SLC43A2: variants seen among roughly 807,000 people sequenced by gnomAD.
The protein encoded by SLC43A2 is large neutral amino acids transporter small subunit 4.
A neutral mutation model predicts 63.2 loss-of-function variants in SLC43A2; 38 were observed. The ratio of observed to expected loss-of-function variants is 0.60; its 90% CI spans 0.46 to 0.79. The LOEUF (loss-of-function observed/expected upper bound fraction) is 0.79. Among genes scored for constraint, SLC43A2 ranks in the 30% least tolerant of loss-of-function variants. The pLI is 0.00. For synonymous variants in SLC43A2, 322 were observed against 331.0 expected, an observed-to-expected ratio of 0.97 and a Z score of 0.30; for missense variants, 644 against 756.2, an observed-to-expected ratio of 0.85 and a Z score of 1.74.
At chr17:1,592,278 T>G (rs1417374826) in intron 6 of SLC43A2, among the ~76,000 whole-genome samples, 2 of 152,216 alleles carry the variant, frequency 1.3e-5, no homozygotes, top group East Asian at 3.9e-4. Flanking sequence ...AATACAAAAA[T>G]TAGCCGGGCA....
Position 1,571,531 on chromosome 17 carries a change from A to T in SLC43A2, c.*4073T>A, listed in dbSNP as rs1376948472. ...CGGAAACTCCACTTGGCTGAACGTG[A>T]TTGTGCTGCTGTCTGGGACAGTCTT... On this transcript the variant is annotated 3_prime_UTR_variant, in exon 14 of 14. Coordinates refer to ENST00000301335, the MANE Select transcript of SLC43A2 (RefSeq NM_152346.3). The surrounding 1 kb of genome is among the most constrained non-coding windows in gnomAD (Gnocchi z 5.2). 2.0e-5 allele frequency: 3 copies of T among 152,232 alleles called. No homozygotes were observed. Among genetic ancestry groups the T allele is most frequent in the Non-Finnish European group, 2.9e-5 (2 of 68,062 alleles). 9.4% of individuals were successfully genotyped at this position (152,232 alleles called of 1,614,324 possible).
intron 5 of SLC43A2, among the ~76,000 whole-genome samples, chr17:1,609,733 C>T (rs994514278): frequency 2.1e-4 from 31 of 150,724 alleles, no homozygotes. Flanking sequence ...TACAGAACTG[C>T]TTAATAATAA....
intron 3 of SLC43A2, among the ~76,000 whole-genome samples, chr17:1,615,610 G>T (rs551900376): frequency 6.7e-6 from 1 of 150,142 alleles, no homozygotes; most frequent in Non-Finnish European, 1.5e-5. Context: ...TTGGGAGGCC[G>T]AGGCGGGCAG....
intron 5 of SLC43A2, among the ~76,000 whole-genome samples, chr17:1,611,119 C>T (rs1418640447): frequency 6.7e-6 from 1 of 150,222 alleles, no homozygotes; most frequent in Non-Finnish European, 1.5e-5. Flanking sequence ...GCTGGGATTA[C>T]AGGTGTGAGC....
chr17:1,575,756 C>G lies in SLC43A2; in HGVS notation c.1558G>C (p.Gly520Arg). ...CCCAGCAGGCTGAGAAGGAGCAGCC[C>G]CACGTTCACCTGGGGAGGCAGGGAG... is the stretch of plus-strand genomic sequence containing the variant. ...LQGDPLWVNV[G>R]LLLLSLLGFC... Residue 520 changes from glycine (G) to arginine (R), a missense_variant, in exon 14 of 14, where the codon GGG (glycine) becomes CGG (arginine). Gly to Arg is a moderately radical substitution (Grantham distance 125). This residue lies in a region of SLC43A2 where 105 missense variants were observed against 101.7 expected (regional missense o/e 1.03). Transcript: ENST00000301335. 1 of 1,611,108 alleles carries G rather than the reference C, an allele frequency of 6.2e-7. No individual in the cohort carries two copies. The highest frequency in any genetic ancestry group is 8.5e-7 in the Non-Finnish European group (1 of 1,178,902).
intron 9 of SLC43A2, among the ~76,000 whole-genome samples, chr17:1,588,821 G>A (rs542393126): frequency 6.6e-6 from 1 of 152,290 alleles, no homozygotes; most frequent in East Asian, 1.9e-4. Context: ...AGGCAGCAGA[G>A]TCACCGGTCA....
At chr17:1,625,179 G>C (rs1447655202) in intron 2 of SLC43A2, among the ~76,000 whole-genome samples, 1 of 152,162 alleles carries the variant, frequency 6.6e-6, no homozygotes, top group African/African-American at 2.4e-5. Context: ...CCCGCACCCA[G>C]GTCCCCAAAC....
intron 5 of SLC43A2, among the ~76,000 whole-genome samples, chr17:1,612,696 G>T (rs1177048714): frequency 6.6e-6 from 1 of 152,264 alleles, no homozygotes; most frequent in Non-Finnish European, 1.5e-5. Flanking sequence ...TGTCGGCCAG[G>T]CCAGGTGGCT....
At chr17:1,603,944 C>T (rs1337080728) in intron 5 of SLC43A2, among the ~76,000 whole-genome samples, 3 of 152,200 alleles carry the variant, frequency 2.0e-5, no homozygotes, top group East Asian at 1.9e-4. Context: ...CCTGTGGCTC[C>T]GGCCAATACA....
chr17:1,617,678 G>A (rs988273623), intron 2 of SLC43A2, among the ~76,000 whole-genome samples: 3 of 152,258 alleles, frequency 2.0e-5, no homozygotes, highest in East Asian at 1.9e-4. Context: ...GGCGTGAGCC[G>A]CCACACCCAG....
At position 1,596,213 on chromosome 17, in the gene SLC43A2, G is replaced by A. The variant is rs140764273; in HGVS notation, c.502-2934C>T. Among the ~76,000 whole-genome samples the A allele has an allele frequency of 2.0e-3, 300 of 152,162 alleles. 1 individual carries two copies. The highest frequency in any genetic ancestry group is 5.8e-3 in the African/African-American group (242 of 41,522). Reference sequence around the variant, plus strand: ...TGGACGCCTGTAATCCCAGCTACTCGGGAGGCTGAGACAGGAGAATCCCTT... The same window carrying A: ...TGGACGCCTGTAATCCCAGCTACTCAGGAGGCTGAGACAGGAGAATCCCTT... On this transcript the variant is annotated intron_variant, in intron 5 of 13. Coordinates refer to ENST00000301335, the MANE Select transcript of SLC43A2 (RefSeq NM_152346.3).
Position 1,583,480 on chromosome 17 carries a change from G to A in SLC43A2, c.1218-144C>T. Reference sequence around the variant, plus strand: ...CAGGCACGTTTTAGGGACTGTGTCGGGGCTGGACCAGCACTACGGACACTC... The same window carrying A: ...CAGGCACGTTTTAGGGACTGTGTCGAGGCTGGACCAGCACTACGGACACTC... On this transcript the variant is annotated intron_variant, in intron 10 of 13. Coordinates refer to ENST00000301335, the MANE Select transcript of SLC43A2 (RefSeq NM_152346.3). This position sits in a 1 kb window ranked among gnomAD's most constrained non-coding sequence, Gnocchi z 5.5. 7.1e-7 allele frequency: 1 copy of A among 1,412,578 alleles called. No individual in the cohort carries two copies. Among genetic ancestry groups the A allele is most frequent in the Non-Finnish European group, 9.4e-7 (1 of 1,058,780 alleles). The allele number at this position is 1,412,578 out of a possible 1,614,324, so 87.5% of individuals were successfully genotyped here. A position where few individuals can be genotyped will look rare whatever the true frequency, so the allele number is the denominator to read the frequency against.
At chr17:1,592,902 A>G (rs1006149906) in intron 6 of SLC43A2, among the ~76,000 whole-genome samples, 1 of 152,172 alleles carries the variant, frequency 6.6e-6, no homozygotes, top group African/African-American at 2.4e-5. Flanking sequence ...GACGGGGGCA[A>G]GACTCACAAC....
chr17:1,622,025 C>T (rs1908207117), intron 2 of SLC43A2, among the ~76,000 whole-genome samples: 1 of 152,194 alleles, frequency 6.6e-6, no homozygotes, highest in African/African-American at 2.4e-5. Flanking sequence ...TTCATGGACA[C>T]CAGAAGCCAG....
intron 2 of SLC43A2, among the ~76,000 whole-genome samples, chr17:1,622,963 G>A (rs183480089): frequency 1.4e-3 from 220 of 151,950 alleles, no homozygotes; most frequent in African/African-American, 4.5e-3. Context: ...AAAATTAGCC[G>A]GGTATGGTGG....
rs377036207 is a variant in SLC43A2, at chr17:1,602,151, T to C, written c.502-8872A>G. On this transcript the variant is annotated intron_variant, in intron 5 of 13. Coordinates refer to ENST00000301335, the MANE Select transcript of SLC43A2 (RefSeq NM_152346.3). ...GGTGCACAAGCGGCAGGGGGCTGCA[T>C]AGCAAGGTCTCCTTCAGCTTTGTTT... Among the ~76,000 whole-genome samples, 79 of 152,284 alleles carry C rather than the reference T, an allele frequency of 5.2e-4. 2 individuals are homozygous for C. The highest frequency in any genetic ancestry group is 1.8e-3 in the African/African-American group (74 of 41,544).
At chr17:1,597,196 G>C (rs1905372032) in intron 5 of SLC43A2, among the ~76,000 whole-genome samples, 1 of 145,826 alleles carries the variant, frequency 6.9e-6, no homozygotes, top group South Asian at 2.2e-4. Flanking sequence ...CTGCGCAACA[G>C]AGCAAGACTA....
intron 5 of SLC43A2, among the ~76,000 whole-genome samples, chr17:1,612,218 T>C (rs1421931609): frequency 2.6e-5 from 4 of 151,942 alleles, no homozygotes; most frequent in Non-Finnish European, 4.4e-5. Flanking sequence ...CCTGCCTCAG[T>C]CTCCCAAAGT....
Position 1,591,456 on chromosome 17 carries a change from G to A in SLC43A2, c.744C>T (p.Phe248=), listed in dbSNP as rs776395460. 1.2e-6 allele frequency: 2 copies of A among 1,613,200 alleles called. No individual in the cohort carries two copies. Among genetic ancestry groups the A allele is most frequent in the Non-Finnish European group, 1.7e-6 (2 of 1,179,924 alleles). ...TCTTGTGGTCAAAGCCCAGCCAGCTGAACTTGATCTTCACCCTGGGGCCCC... is the reference window on the plus strand; with the variant it reads ...TCTTGTGGTCAAAGCCCAGCCAGCTAAACTTGATCTTCACCCTGGGGCCCC... ...EDMDYSVKIK[F]SWLGFDHKIT... is the part of the protein sequence containing the mutation. Residue 248 remains phenylalanine, a synonymous_variant, in exon 8 of 14, where the codon TTC becomes TTT. Transcript: ENST00000301335.
Sources: gnomAD v4.1 joint callset for allele counts (sites outside exome capture counted in the v4.1 genomes callset) on GRCh38, gnomAD v4.1.1 for gene constraint, gnomAD v4.1.1 regional missense constraint, Gnocchi (gnomAD v3.1) non-coding constraint, MANE v1.5 for transcripts, NCBI Gene and HGNC (gene_info 2026-07-23, HGNC 2026-07-21) for gene names.